Variants in TBC1D16 observed in about 807,000 individuals in gnomAD.
The protein encoded by TBC1D16 is TBC1 domain family member 16, also known as CTD-2529O21.1.
A neutral mutation model predicts 74.7 loss-of-function variants in TBC1D16; 58 were observed. That is an observed-to-expected ratio of 0.78 (90% CI 0.63 to 0.97). TBC1D16 has a LOEUF of 0.97. TBC1D16 is among the 50% of genes least tolerant of loss of function. TBC1D16 has a pLI of 0.00. For synonymous variants in TBC1D16, 493 were observed against 474.7 expected, an observed-to-expected ratio of 1.04 and a Z score of -0.50; for missense variants, 1,014 against 1,079.5, an observed-to-expected ratio of 0.94 and a Z score of 0.85.
intron 3 of TBC1D16, among the ~76,000 whole-genome samples, chr17:80,002,810 C>T (rs950034087): frequency 6.6e-6 from 1 of 152,238 alleles, no homozygotes; most frequent in Non-Finnish European, 1.5e-5. Context: ...CACAGTGGGG[C>T]ACAGGCACAG....
chr17:79,985,436 A>G lies in TBC1D16; in HGVS notation c.779+24724T>C, dbSNP rs2034796526. Among the ~76,000 whole-genome samples, 1 of 152,216 alleles carries G rather than the reference A, an allele frequency of 6.6e-6. No homozygotes were observed. The highest frequency in any genetic ancestry group is 6.5e-5 in the Admixed American group (1 of 15,280). On this transcript the variant is annotated intron_variant, in intron 3 of 11. Coordinates refer to ENST00000310924, the MANE Select transcript of TBC1D16 (RefSeq NM_019020.4). This position sits in a 1 kb window ranked among gnomAD's most constrained non-coding sequence, Gnocchi z 4.9. The stretch of plus-strand genomic sequence containing the variant: ...CAGACACAGTTCCCCGAAACTGAAG[A>G]CGTGTTTACTCACTTTTTTTGGACA...
rs2032649033 is a variant in TBC1D16 at position 79,947,559 on chromosome 17, C to T, written c.1728+86G>A. On this transcript the variant is annotated intron_variant, in intron 9 of 11. Coordinates refer to ENST00000310924, the MANE Select transcript of TBC1D16 (RefSeq NM_019020.4). ...ACTGACCTACAGCAGCCAAGCCACG[C>T]ATCACCACGGCAACCCCGGCTACAA... is the stretch of plus-strand genomic sequence containing the variant. 9 of 1,468,070 alleles carry T rather than the reference C, an allele frequency of 6.1e-6. No homozygotes were observed. In the South Asian group the frequency reaches 1.0e-4, roughly 16 times the overall value. The allele number at this position is 1,468,070 out of a possible 1,614,324, so 90.9% of individuals were successfully genotyped here. A position where few individuals can be genotyped will look rare whatever the true frequency, so the allele number is the denominator to read the frequency against.
rs141660561 is a variant in TBC1D16 at position 79,975,213 on chromosome 17, G to A, written c.780-22395C>T. Among the ~76,000 whole-genome samples, 68 of 152,266 alleles carry A rather than the reference G, an allele frequency of 4.5e-4. No homozygotes were observed. In the East Asian group the frequency reaches 7.7e-3, roughly 17 times the overall value. The stretch of plus-strand genomic sequence containing the variant: ...TTCATTTTGTTTTGTTTTTCCCTTT[G>A]CATTTGGTGAACTCCGTGTCAGGAA... On this transcript the variant is annotated intron_variant, in intron 3 of 11. Coordinates refer to ENST00000310924, the MANE Select transcript of TBC1D16 (RefSeq NM_019020.4). The surrounding 1 kb of genome is among the most constrained non-coding windows in gnomAD (Gnocchi z 4.5).
rs2034104705 is a variant in TBC1D16, at chr17:79,971,544, G to C, written c.780-18726C>G. 6.6e-6 allele frequency among the ~76,000 whole-genome samples: 1 copy of C among 152,166 alleles called. No individual in the cohort carries two copies. The highest frequency in any genetic ancestry group is 2.1e-4 in the South Asian group (1 of 4,834). ...TCTGCAGGTTTACACACACTTGAAGGTATCTTCCCATGTTGCTGGTAGACA... is the reference window on the plus strand; with the variant it reads ...TCTGCAGGTTTACACACACTTGAAGCTATCTTCCCATGTTGCTGGTAGACA... On this transcript the variant is annotated intron_variant, in intron 3 of 11. Transcript: ENST00000310924. This position sits in a 1 kb window ranked among gnomAD's most constrained non-coding sequence, Gnocchi z 4.6.
intron 3 of TBC1D16, among the ~76,000 whole-genome samples, chr17:79,976,509 A>T (rs997459576): frequency 2.0e-5 from 3 of 152,196 alleles, no homozygotes; most frequent in Non-Finnish European, 4.4e-5. Context: ...CGTCGGTCAC[A>T]TGTGCGGTGT....
At chr17:79,965,720 A>C (rs575453241) in intron 3 of TBC1D16, among the ~76,000 whole-genome samples, 1 of 152,324 alleles carries the variant, frequency 6.6e-6, no homozygotes, top group South Asian at 2.1e-4. Flanking sequence ...TGCCTTCCAG[A>C]GACAGCAGTC....
Position 79,979,499 on chromosome 17 carries a change from T to C in TBC1D16, c.780-26681A>G, listed in dbSNP as rs1373205512. 6.6e-6 allele frequency among the ~76,000 whole-genome samples: 1 copy of C among 152,142 alleles called. No homozygotes were observed. The highest frequency in any genetic ancestry group is 2.4e-5 in the African/African-American group (1 of 41,438). On this transcript the variant is annotated intron_variant, in intron 3 of 11. Transcript: ENST00000310924. This position sits in a 1 kb window ranked among gnomAD's most constrained non-coding sequence, Gnocchi z 4.8. ...GGAGGACCGCATAGCTGCAAATGCATCTGGGCGTGAAGACGTCCCTGTGTC... is the reference window on the plus strand; with the variant it reads ...GGAGGACCGCATAGCTGCAAATGCACCTGGGCGTGAAGACGTCCCTGTGTC...
rs957005075 is a variant in TBC1D16 at position 79,987,264 on chromosome 17, T to G, written c.779+22896A>C. 6.6e-6 allele frequency among the ~76,000 whole-genome samples: 1 copy of G among 151,962 alleles called. No individual in the cohort carries two copies. Among genetic ancestry groups the G allele is most frequent in the East Asian group, 1.9e-4 (1 of 5,172 alleles). Reference sequence around the variant, plus strand: ...TTTTTTTTTTACTTTTTTTTCAGACTGGGTCTTGCTCTGTCACCCAGGCTG... The same window carrying G: ...TTTTTTTTTTACTTTTTTTTCAGACGGGGTCTTGCTCTGTCACCCAGGCTG... On this transcript the variant is annotated intron_variant, in intron 3 of 11. Transcript: ENST00000310924. The surrounding 1 kb of genome is among the most constrained non-coding windows in gnomAD (Gnocchi z 5.2).
chr17:79,988,903 C>T lies in TBC1D16; in HGVS notation c.779+21257G>A, dbSNP rs530568690. ...CTGGACGGTGCCACCCTCCCCAACC[C>T]GCACCTGCCCGCCGGCCCCAGGCCC... is the stretch of plus-strand genomic sequence containing the variant. On this transcript the variant is annotated intron_variant, in intron 3 of 11. Coordinates refer to ENST00000310924, the MANE Select transcript of TBC1D16 (RefSeq NM_019020.4). This position sits in a 1 kb window ranked among gnomAD's most constrained non-coding sequence, Gnocchi z 5.7. 2.0e-5 allele frequency among the ~76,000 whole-genome samples: 3 copies of T among 152,344 alleles called. No homozygotes were observed. The highest frequency in any genetic ancestry group is 1.9e-4 in the East Asian group (1 of 5,178).
At position 79,971,174 on chromosome 17, in the gene TBC1D16, C is replaced by T. The variant is rs1469280752; in HGVS notation, c.780-18356G>A. 6.6e-6 allele frequency among the ~76,000 whole-genome samples: 1 copy of T among 152,014 alleles called. No individual in the cohort carries two copies. The highest frequency in any genetic ancestry group is 1.5e-5 in the Non-Finnish European group (1 of 68,010). ...AGTAGCTGGGATTACAGGCGTGCACCACCAAGCCCGGCTAATTTGTGTATT... is the reference window on the plus strand; with the variant it reads ...AGTAGCTGGGATTACAGGCGTGCACTACCAAGCCCGGCTAATTTGTGTATT... On this transcript the variant is annotated intron_variant, in intron 3 of 11. Coordinates refer to ENST00000310924, the MANE Select transcript of TBC1D16 (RefSeq NM_019020.4). This position sits in a 1 kb window ranked among gnomAD's most constrained non-coding sequence, Gnocchi z 4.6.
intron 3 of TBC1D16, among the ~76,000 whole-genome samples, chr17:79,957,392 C>G (rs139913244): frequency 6.6e-5 from 10 of 152,114 alleles, no homozygotes; most frequent in Admixed American, 6.6e-4. Flanking sequence ...TGGAACAACA[C>G]GGAGGGAACT....
chr17:79,995,006 A>T (rs2144539373), intron 3 of TBC1D16, among the ~76,000 whole-genome samples: 1 of 152,258 alleles, frequency 6.6e-6, no homozygotes, highest in East Asian at 1.9e-4. Context: ...GACTTGTAAA[A>T]ATGTAGCTAT....
intron 3 of TBC1D16, among the ~76,000 whole-genome samples, chr17:79,963,459 C>T (rs2165995): frequency 0.11 from 16,237 of 152,084 alleles, 900 homozygotes; most frequent in African/African-American, 0.13. Flanking sequence ...TTCCATTGTA[C>T]GGATGGACCG....
Position 79,939,442 on chromosome 17 carries a change from C to A in TBC1D16, c.*1417G>T, listed in dbSNP as rs1478708643. 6.6e-6 allele frequency: 1 copy of A among 152,228 alleles called. No homozygotes were observed. The highest frequency in any genetic ancestry group is 1.9e-4 in the East Asian group (1 of 5,186). The allele number at this position is 152,228 out of a possible 1,614,324, so 9.4% of individuals were successfully genotyped here. A position where few individuals can be genotyped will look rare whatever the true frequency, so the allele number is the denominator to read the frequency against. On this transcript the variant is annotated 3_prime_UTR_variant, in exon 12 of 12. Coordinates refer to ENST00000310924, the MANE Select transcript of TBC1D16 (RefSeq NM_019020.4). ...TGAAGTGGCATGGCCCAGCAGTGCC[C>A]ACCCTCCAGGGAGAAAAGCTTTGAG...
intron 9 of TBC1D16, among the ~76,000 whole-genome samples, 179 bp from the exon 10 acceptor site, chr17:79,945,266 C>T (rs2032425015): frequency 6.6e-6 from 1 of 152,208 alleles, no homozygotes; most frequent in Admixed American, 6.5e-5. Context: ...CTGGAATCGG[C>T]TCACACCTGC....
intron 3 of TBC1D16, chr17:79,953,030 T>G (rs897570805): frequency 2.9e-5 from 13 of 451,476 alleles, no homozygotes; most frequent in Non-Finnish European, 4.6e-5. Context: ...GGAAAGCATT[T>G]TCATGATCAA....
chr17:79,942,338 G>A (rs2032095863), intron 10 of TBC1D16, 132 bp from the exon 11 acceptor site: 1 of 966,220 alleles, frequency 1.0e-6, no homozygotes, highest in Non-Finnish European at 1.5e-6. Flanking sequence ...CCAGCTCGGG[G>A]GCCGTGTGGC....
chr17:80,026,113 G>C (rs1487851388), intron 1 of TBC1D16: 1 of 150,160 alleles, frequency 6.7e-6, no homozygotes, highest in Non-Finnish European at 1.5e-5. Flanking sequence ...AATAATGGAG[G>C]ATTATTTAAT....
intron 1 of TBC1D16, chr17:80,023,774 G>C (rs1446419250): frequency 6.7e-6 from 1 of 149,986 alleles, no homozygotes. Context: ...GGTTGTGTCA[G>C]GCCGCCCTCA....
Sources: allele counts gnomAD v4.1 joint callset (sites outside exome capture counted in the v4.1 genomes callset), GRCh38; gene constraint gnomAD v4.1.1; non-coding constraint Gnocchi (gnomAD v3.1); transcripts MANE v1.5; gene names NCBI Gene and HGNC (gene_info 2026-07-23, HGNC 2026-07-21).